Variants in PADI3 observed in about 807,000 individuals in gnomAD.
The protein encoded by PADI3 is peptidyl arginine deiminase 3.
In PADI3, 53 loss-of-function variants were observed where a neutral mutation model predicts 71.5. That is an observed-to-expected ratio of 0.74 (90% confidence interval 0.59 to 0.93). The LOEUF (loss-of-function observed/expected upper bound fraction) is 0.93, where lower values mean the gene tolerates loss of function less well. Among genes scored for constraint, PADI3 ranks in the 40% least tolerant of loss-of-function variants. The probability of loss-of-function intolerance (pLI) is 0.00; values close to 1 mark genes in which losing one functional copy is unlikely to be tolerated. For missense variants in PADI3, 821 were observed against 868.0 expected (o/e 0.95, Z 0.68); for synonymous variants, 361 against 347.5 (o/e 1.04, Z -0.43).
intron 13 of PADI3, among the ~76,000 whole-genome samples, chr1:17,279,451 G>A (rs1290086647): frequency 6.6e-6 from 1 of 152,340 alleles, no homozygotes; most frequent in Non-Finnish European, 1.5e-5. Flanking sequence ...GCTGGGACTG[G>A]ACCCCAGCTT....
At chr1:17,259,791 T>G in intron 2 of PADI3, 33 bp downstream of exon 2, 33 of 1,559,700 alleles carry the variant, frequency 2.1e-5, no homozygotes, top group Non-Finnish European at 2.4e-5. Context: ...GGGGAGAGGT[T>G]TCGAGGGAGG....
chr1:17,277,302 CT>C, intron 13 of PADI3, among the ~76,000 whole-genome samples: 1 of 152,094 alleles, frequency 6.6e-6, no homozygotes. Context: ...TCAAGCGATT[CT>C]CCTGCCTCAG....
chr1:17,257,931 TG>T (rs1006714946), intron 1 of PADI3, among the ~76,000 whole-genome samples: 74 of 152,250 alleles, frequency 4.9e-4, no homozygotes, highest in African/African-American at 1.7e-3. Context: ...GTGCAGAGGC[TG>T]GGGGCTTTTT....
At chr1:17,253,667 C>T (rs187725773) in intron 1 of PADI3, among the ~76,000 whole-genome samples, 19 of 152,320 alleles carry the variant, frequency 1.2e-4, no homozygotes, top group Admixed American at 4.6e-4. Flanking sequence ...GGCCCCAGCA[C>T]CCTAGGTTTT....
In PADI3 at chr1:17,283,342, A is replaced by G. The variant is rs568722535; in HGVS notation, c.*263A>G. 7.0e-5 allele frequency: 31 copies of G among 443,560 alleles called. No homozygotes were observed. The highest frequency in any genetic ancestry group is 6.1e-4 in the African/African-American group (31 of 50,634). The allele number at this position is 443,560 out of a possible 1,614,324, so 27.5% of individuals were successfully genotyped here. On this transcript the variant is annotated 3_prime_UTR_variant, in exon 16 of 16. Coordinates refer to ENST00000375460, the MANE Select transcript of PADI3 (RefSeq NM_016233.2). ...ATAGCCTCTCCTGTGATTCAACACA[A>G]CCCATGGAGATGTCCCCTTCTCACT...
intron 1 of PADI3, among the ~76,000 whole-genome samples, chr1:17,255,992 CCATTA>C (rs1166050100): frequency 3.3e-5 from 5 of 152,160 alleles, no homozygotes; most frequent in African/African-American, 1.2e-4. Flanking sequence ...CGCTGGCTCC[CCATTA>C]CATAGGGATG....
chr1:17,271,015 CCCCCAGG>C lies in PADI3; in HGVS notation c.935+38_936-41del, dbSNP rs765334620. On this transcript the variant is annotated intron_variant, in intron 8 of 15. Coordinates refer to ENST00000375460, the MANE Select transcript of PADI3 (RefSeq NM_016233.2). ...TTGGGGCAGTGGGTGGTCCCTCTGGCCCCCAGGCCCCGGCTCCATCCTGAGCCCCTCT... is the reference window on the plus strand; with the variant it reads ...TTGGGGCAGTGGGTGGTCCCTCTGGCCCCCGGCTCCATCCTGAGCCCCTCT... 2.5e-6 allele frequency: 4 copies of C among 1,611,958 alleles called. No individual in the cohort carries two copies. The African/African-American group carries it at 5.3e-5, about 21-fold the overall frequency.
At chr1:17,277,592 C>T (rs2100600612) in intron 13 of PADI3, among the ~76,000 whole-genome samples, 1 of 152,360 alleles carries the variant, frequency 6.6e-6, no homozygotes, top group East Asian at 1.9e-4. Context: ...GTCTCCCAGC[C>T]TCCCTGCCTC....
At chr1:17,268,563 A>C (rs1306350241) in intron 6 of PADI3, among the ~76,000 whole-genome samples, 2 of 134,440 alleles carry the variant, frequency 1.5e-5, no homozygotes, top group Non-Finnish European at 3.0e-5. Flanking sequence ...GCTGGAGTAC[A>C]GTGGCGTGAC....
intron 1 of PADI3, among the ~76,000 whole-genome samples, chr1:17,257,463 T>C (rs985173587): frequency 5.3e-5 from 8 of 152,218 alleles, no homozygotes; most frequent in African/African-American, 1.9e-4. Flanking sequence ...TACCAAACAA[T>C]GATTGACTGT....
intron 1 of PADI3, among the ~76,000 whole-genome samples, chr1:17,252,414 T>G (rs1476050262): frequency 2.6e-5 from 4 of 151,000 alleles, no homozygotes; most frequent in Non-Finnish European, 5.9e-5. Context: ...TTTTTTTTTT[T>G]TTGTTGAAGA....
rs2073333146 is a variant in PADI3, at chr1:17,276,542, A to T, written c.1331A>T (p.Gln444Leu). ...AGGTCAAGTGGCCGCAGGGTCACCC[A>T]GGTGGTGCGGGACTTCCTCCATGCC... Reference protein sequence around the residue: ...LPGSSGRRVTQVVRDFLHAQK... With the variant: ...LPGSSGRRVTLVVRDFLHAQK... The change falls in exon 12 of 16, where the codon CAG becomes CTG. Residue 444 changes from glutamine (Q) to leucine (L), a missense_variant. By Grantham distance (113) the Gln-to-Leu change is moderately radical. Coordinates refer to ENST00000375460, the MANE Select transcript of PADI3 (RefSeq NM_016233.2). The T allele has an allele frequency of 6.2e-7, 1 of 1,614,102 alleles. No homozygotes were observed. The highest frequency in any genetic ancestry group is 1.3e-5 in the African/African-American group (1 of 75,026).
chr1:17,262,129 A>C lies in PADI3; in HGVS notation c.274-4A>C. 6.2e-7 allele frequency: 1 copy of C among 1,612,930 alleles called. No homozygotes were observed. Among genetic ancestry groups the C allele is most frequent in the Non-Finnish European group, 8.5e-7 (1 of 1,179,564 alleles). ...GGTATTACTCTGCGCCCAACTCTCC[A>C]CAGGTTCAGATTTCCTACCACTCCA... On this transcript the variant is annotated splice_polypyrimidine_tract_variant and splice_region_variant and intron_variant, in intron 2 of 15. Transcript: ENST00000375460.
intron 9 of PADI3, among the ~76,000 whole-genome samples, chr1:17,273,025 G>A (rs575673530): frequency 6.6e-6 from 1 of 152,280 alleles, no homozygotes; most frequent in East Asian, 1.9e-4. Context: ...TCAGGCCACT[G>A]TGAGTGCTTC....
chr1:17,269,611 G>GT (rs1362115194), intron 6 of PADI3, among the ~76,000 whole-genome samples: 1 of 151,940 alleles, frequency 6.6e-6, no homozygotes, highest in Non-Finnish European at 1.5e-5. Flanking sequence ...TTGTTGTTTT[G>GT]TTTTTTGTTG....
chr1:17,276,517 A>G lies in PADI3; in HGVS notation c.1308-2A>G. 6.2e-7 allele frequency: 1 copy of G among 1,613,974 alleles called. No individual in the cohort carries two copies. Among genetic ancestry groups the G allele is most frequent in the Non-Finnish European group, 8.5e-7 (1 of 1,179,974 alleles). ...CTTTTTTTTTAACCTCGTGGGTCCC[A>G]GGTCAAGTGGCCGCAGGGTCACCCA... On this transcript the variant is annotated splice_acceptor_variant, in intron 11 of 15. Transcript: ENST00000375460. LOFTEE classifies it high-confidence loss of function.
At chr1:17,281,844 G>A (rs935552233) in intron 15 of PADI3, among the ~76,000 whole-genome samples, 10 of 152,178 alleles carry the variant, frequency 6.6e-5, no homozygotes, top group Non-Finnish European at 1.3e-4. Context: ...AGCACGGCCC[G>A]AGGCACTGCT....
intron 5 of PADI3, among the ~76,000 whole-genome samples, chr1:17,267,394 G>A (rs2073184518): frequency 1.3e-5 from 2 of 152,144 alleles, no homozygotes; most frequent in African/African-American, 4.8e-5. Context: ...AATATTCCAG[G>A]GTATGCTAGG....
chr1:17,256,131 C>T (rs2073024201), intron 1 of PADI3, among the ~76,000 whole-genome samples: 1 of 152,200 alleles, frequency 6.6e-6, no homozygotes, highest in African/African-American at 2.4e-5. Flanking sequence ...GCCCCAGCCA[C>T]CCAGCCCACT....
Sources: allele counts gnomAD v4.1 joint callset (sites outside exome capture counted in the v4.1 genomes callset), GRCh38; gene constraint gnomAD v4.1.1; transcripts MANE v1.5; gene names NCBI Gene and HGNC (gene_info 2026-07-23, HGNC 2026-07-21).